Variants in DGKG observed in about 807,000 individuals in gnomAD.
The protein encoded by DGKG is DAG kinase gamma.
A neutral mutation model predicts 105.3 loss-of-function variants in DGKG; 78 were observed. The ratio of observed to expected loss-of-function variants is 0.74; its 90% CI spans 0.62 to 0.89. The LOEUF is 0.89. DGKG is among the 40% of genes least tolerant of loss of function. DGKG has a pLI of 0.00. For missense variants in DGKG, 958 were observed against 1,020.1 expected (o/e 0.94, Z 0.83); for synonymous variants, 346 against 367.1 (o/e 0.94, Z 0.66).
intron 1 of DGKG, among the ~76,000 whole-genome samples, chr3:186,338,511 A>G (rs1335064212): frequency 6.6e-6 from 1 of 152,200 alleles, no homozygotes; most frequent in Non-Finnish European, 1.5e-5. Context: ...TCAAAATTAC[A>G]TGCAATATTT....
rs529455216 is a variant in DGKG at position 186,330,558 on chromosome 3, G to A, written c.-248-9851C>T. 5.3e-5 allele frequency among the ~76,000 whole-genome samples: 8 copies of A among 152,290 alleles called. 1 individual carries two copies. In the South Asian group the frequency reaches 1.7e-3, roughly 32 times the overall value. Reference sequence around the variant, plus strand: ...GTTCCTAAGGGCACTGAACTGCCATGTAAGAAGTTCAGCCATTTTGCTGGA... The same window carrying A: ...GTTCCTAAGGGCACTGAACTGCCATATAAGAAGTTCAGCCATTTTGCTGGA... On this transcript the variant is annotated intron_variant, in intron 1 of 24. Coordinates refer to ENST00000265022, the MANE Select transcript of DGKG (RefSeq NM_001346.3).
intron 1 of DGKG, among the ~76,000 whole-genome samples, chr3:186,351,770 CAG>C (rs1726640291): frequency 6.6e-6 from 1 of 152,212 alleles, no homozygotes; most frequent in African/African-American, 2.4e-5. Context: ...AATACAAAAA[CAG>C]GGACAACACG....
At position 186,267,757 on chromosome 3, in the gene DGKG, T is replaced by G; in HGVS notation, c.1137A>C (p.Leu379Phe). The G allele has an allele frequency of 6.2e-7, 1 of 1,613,980 alleles. No individual in the cohort carries two copies. Among genetic ancestry groups the G allele is most frequent in the South Asian group, 1.1e-5 (1 of 91,078 alleles). ...CRMTFHRKCE[L>F]STLCDGGELR... ...GTTCCCCACCGTCACACAACGTTGA[T>G]AATTCACATTTGCGGTGAAACTGGG... is the stretch of plus-strand genomic sequence containing the variant. The change falls in exon 13 of 25, where the codon TTA becomes TTC. Residue 379 changes from leucine (L) to phenylalanine (F), a missense_variant. Coordinates refer to ENST00000265022, the MANE Select transcript of DGKG (RefSeq NM_001346.3).
Position 186,261,722 on chromosome 3 carries a change from C to G in DGKG, c.1326G>C (p.Lys442Asn). The part of the protein sequence containing the change: ...THPLLVLVNP[K>N]SGGRQGERIL... ...ACCTTTCTCCTTGTCTCCCTCCACTCTTGGGGTTCACCAAGACCAGCAGGG... is the reference window on the plus strand; with the variant it reads ...ACCTTTCTCCTTGTCTCCCTCCACTGTTGGGGTTCACCAAGACCAGCAGGG... Residue 442 changes from lysine to asparagine, a missense_variant, in exon 15 of 25, where the codon AAG (lysine) becomes AAC (asparagine). This residue lies in a region of DGKG where 643 missense variants were observed against 619.5 expected (regional missense o/e 1.04). Transcript: ENST00000265022. The G allele has an allele frequency of 6.2e-7, 1 of 1,607,628 alleles. No homozygotes were observed. The highest frequency in any genetic ancestry group is 8.5e-7 in the Non-Finnish European group (1 of 1,177,376).
At chr3:186,275,996 TATCTATC>T (rs1722572081) in intron 9 of DGKG, among the ~76,000 whole-genome samples, 1 of 142,184 alleles carries the variant, frequency 7.0e-6, no homozygotes, top group Non-Finnish European at 1.5e-5. Flanking sequence ...ATCTATCTAT[TATCTATC>T]ATCTATCTAT....
intron 6 of DGKG, 99 bp downstream of exon 6, chr3:186,288,611 G>C: frequency 7.7e-7 from 1 of 1,305,112 alleles, no homozygotes; most frequent in Middle Eastern, 2.1e-4. Context: ...GCATATCCGT[G>C]ATATCAACTC....
rs1716475327 is a variant in DGKG at position 186,165,080 on chromosome 3, GCCAGAAAGTCTGGTCC to G, written c.2096-78_2096-63del. On this transcript the variant is annotated intron_variant, in intron 22 of 24. Transcript: ENST00000265022. ...CTCTGTGTTCCTCAGACAAGTTCTG[GCCAGAAAGTCTGGTCC>G]CCAGATGGCCAATGTCTGTATCCCT... is the stretch of plus-strand genomic sequence containing the variant. The G allele has an allele frequency of 4.5e-6, 7 of 1,547,464 alleles. 1 individual carries two copies. The East Asian group carries it at 1.6e-4, about 35-fold the overall frequency.
intron 17 of DGKG, 157 bp downstream of exon 17, chr3:186,257,697 T>TC: frequency 1.8e-6 from 1 of 553,176 alleles, no homozygotes; most frequent in Non-Finnish European, 3.2e-6. Context: ...TTTTTTTTTT[T>TC]CCACCCAAAG....
At chr3:186,289,482 T>G (rs1163438462) in intron 5 of DGKG, among the ~76,000 whole-genome samples, 1 of 152,196 alleles carries the variant, frequency 6.6e-6, no homozygotes, top group Non-Finnish European at 1.5e-5. Flanking sequence ...CCCTTTAAAA[T>G]TTCTCCTTTC....
At chr3:186,241,915 T>C (rs1242516395) in intron 20 of DGKG, among the ~76,000 whole-genome samples, 9 of 152,164 alleles carry the variant, frequency 5.9e-5, no homozygotes, top group Non-Finnish European at 1.3e-4. Context: ...GAACCTAACT[T>C]GGTGACTTCA....
intron 22 of DGKG, among the ~76,000 whole-genome samples, chr3:186,167,254 A>T (rs532268042): frequency 6.6e-6 from 1 of 152,186 alleles, no homozygotes; most frequent in Non-Finnish European, 1.5e-5. Context: ...AGAGGCTGAG[A>T]TGACTACCAC....
chr3:186,273,708 T>C (rs1722440846), intron 10 of DGKG, among the ~76,000 whole-genome samples: 1 of 152,152 alleles, frequency 6.6e-6, no homozygotes, highest in Non-Finnish European at 1.5e-5. Flanking sequence ...ATGCTTGGTC[T>C]TTGTGGACAG....
intron 24 of DGKG, among the ~76,000 whole-genome samples, chr3:186,152,335 G>A (rs1363003939): frequency 6.6e-6 from 1 of 152,160 alleles, no homozygotes; most frequent in Non-Finnish European, 1.5e-5. Flanking sequence ...CAGGACGCAC[G>A]GAAGCGAGGC....
chr3:186,245,011 GA>G (rs34844531), intron 19 of DGKG, among the ~76,000 whole-genome samples: 6,764 of 150,802 alleles, frequency 0.045, 503 homozygotes, highest in African/African-American at 0.16. Context: ...CGTCTGTCAG[GA>G]AAAAAAAAGT....
At chr3:186,289,174 A>T (rs1431718317) in intron 5 of DGKG, among the ~76,000 whole-genome samples, 1 of 152,212 alleles carries the variant, frequency 6.6e-6, no homozygotes. Flanking sequence ...AATATCAATA[A>T]TCAACAGGTA....
chr3:186,187,018 G>T (rs1038318999), intron 22 of DGKG, among the ~76,000 whole-genome samples: 1 of 152,246 alleles, frequency 6.6e-6, no homozygotes, highest in African/African-American at 2.4e-5. Flanking sequence ...CCAGAGTGGA[G>T]GAGGCAGAGT....
intron 20 of DGKG, among the ~76,000 whole-genome samples, chr3:186,214,935 G>C (rs1159477722): frequency 6.6e-6 from 1 of 152,162 alleles, no homozygotes; most frequent in Admixed American, 6.5e-5. Flanking sequence ...AGGCAAACAG[G>C]GAAGGTGGAG....
intron 21 of DGKG, among the ~76,000 whole-genome samples, chr3:186,195,291 AC>A (rs538948441): frequency 3.7e-4 from 41 of 109,826 alleles, no homozygotes; most frequent in South Asian, 1.9e-3. Context: ...ACAAAAAAAA[AC>A]AAAACAAAAA....
intron 1 of DGKG, among the ~76,000 whole-genome samples, chr3:186,333,161 G>C (rs765865053): frequency 1.3e-5 from 2 of 152,170 alleles, no homozygotes; most frequent in Non-Finnish European, 2.9e-5. Flanking sequence ...AAAACTTTCT[G>C]TCAGTGGCTT....
Sources: allele counts gnomAD v4.1 joint callset (sites outside exome capture counted in the v4.1 genomes callset), GRCh38; gene constraint gnomAD v4.1.1; regional missense constraint gnomAD v4.1.1; transcripts MANE v1.5; gene names NCBI Gene and HGNC (gene_info 2026-07-23, HGNC 2026-07-21).